TBX15: variants seen among roughly 807,000 people sequenced by gnomAD.
TBX15 encodes T-box transcription factor 15, also known as T-box transcription factor TBX15.
Under a neutral mutation model 53.9 loss-of-function variants are expected in TBX15, and 18 were observed. That is an observed-to-expected ratio of 0.33 (90% confidence interval 0.23 to 0.49). The LOEUF (loss-of-function observed/expected upper bound fraction) is 0.49, where lower values mean the gene tolerates loss of function less well. Ranked by LOEUF, TBX15 falls within the 20% of genes least tolerant of loss-of-function variation. The pLI is 0.98. For synonymous variants in TBX15, 295 were observed against 278.0 expected, an observed-to-expected ratio of 1.06 and a Z score of -0.61; for missense variants, 692 against 749.5, an observed-to-expected ratio of 0.92 and a Z score of 0.90.
At chr1:118,967,584 G>A (rs375997482) in intron 1 of TBX15, among the ~76,000 whole-genome samples, 4 of 152,166 alleles carry the variant, frequency 2.6e-5, no homozygotes, top group African/African-American at 9.7e-5. Context: ...AAAGGGACAA[G>A]TAGAAGATAA....
chr1:118,976,868 G>A (rs977327927), intron 1 of TBX15, among the ~76,000 whole-genome samples: 2 of 152,192 alleles, frequency 1.3e-5, no homozygotes, highest in African/African-American at 4.8e-5. Flanking sequence ...AAAAGAATGG[G>A]GGAGAGGGGC....
chr1:118,943,821 G>A (rs1656262941), intron 1 of TBX15, among the ~76,000 whole-genome samples: 1 of 152,106 alleles, frequency 6.6e-6, no homozygotes, highest in Non-Finnish European at 1.5e-5. Flanking sequence ...GAGGCTCCCA[G>A]GGAGCACGAG....
chr1:118,918,262 C>T (rs1320297406), intron 5 of TBX15, among the ~76,000 whole-genome samples: 4 of 152,112 alleles, frequency 2.6e-5, no homozygotes, highest in Non-Finnish European at 4.4e-5. Flanking sequence ...TAACTCCCCC[C>T]GGACCACAGG....
In TBX15 at chr1:118,884,726, T is replaced by G; in HGVS notation, c.*6A>C. 6.2e-7 allele frequency: 1 copy of G among 1,613,920 alleles called. No homozygotes were observed. The highest frequency in any genetic ancestry group is 2.2e-5 in the East Asian group (1 of 44,844). On this transcript the variant is annotated 3_prime_UTR_variant, in exon 8 of 8. Coordinates refer to ENST00000369429, the MANE Select transcript of TBX15 (RefSeq NM_001330677.2). ...GCCAAATGCTCCGTGGTGTTTGGAC[T>G]GGCCTTTAAACCATGTGCACGGACA...
At chr1:118,918,738 C>A (rs1655329431) in intron 5 of TBX15, among the ~76,000 whole-genome samples, 1 of 152,130 alleles carries the variant, frequency 6.6e-6, no homozygotes, top group African/African-American at 2.4e-5. Flanking sequence ...TTGTCACGGA[C>A]TTCTTGCCTA....
At chr1:118,914,034 C>T (rs1655109741) in intron 6 of TBX15, 81 bp downstream of exon 6, 1 of 1,452,196 alleles carries the variant, frequency 6.9e-7, no homozygotes, top group Non-Finnish European at 9.7e-7. Context: ...TTCTAAAAGG[C>T]AGGAGCCATC....
chr1:118,939,332 G>C (rs565095036), intron 1 of TBX15, among the ~76,000 whole-genome samples: 2 of 146,048 alleles, frequency 1.4e-5, no homozygotes, highest in Non-Finnish European at 3.0e-5. Context: ...ACCTGAGCCT[G>C]GGAAGGTCGA....
intron 7 of TBX15, among the ~76,000 whole-genome samples, chr1:118,895,406 C>T (rs1299180775): frequency 1.3e-5 from 2 of 152,098 alleles, no homozygotes; most frequent in Non-Finnish European, 2.9e-5. Context: ...ATAAAGCTCT[C>T]GGTTTTGGCC....
chr1:118,928,857 T>C (rs1655688572), intron 2 of TBX15, among the ~76,000 whole-genome samples: 1 of 152,200 alleles, frequency 6.6e-6, no homozygotes, highest in African/African-American at 2.4e-5. Context: ...TTTGGATAAA[T>C]CATTTAACCC....
chr1:118,893,455 A>G lies in TBX15; in HGVS notation c.1024+5573T>C, dbSNP rs372740364. On this transcript the variant is annotated intron_variant, in intron 7 of 7. Transcript: ENST00000369429. ...AAGGAAGGAAGGAAGGAAAGAAGGA[A>G]GGAAGGAAAGAAAGGAAGGAAGGAA... Among the ~76,000 whole-genome samples the G allele has an allele frequency of 7.0e-5, 10 of 143,306 alleles. No homozygotes were observed. The East Asian group carries it at 1.9e-3, about 27-fold the overall frequency. The allele number at this position is 143,306 out of a possible 152,430, so 94.0% of individuals were successfully genotyped here.
At chr1:118,975,804 C>T (rs12239690) in intron 1 of TBX15, among the ~76,000 whole-genome samples, 1,770 of 152,294 alleles carry the variant, frequency 0.012, 27 homozygotes, top group African/African-American at 0.037. Context: ...AAAGACAATG[C>T]TTGGAAAATT....
At chr1:118,894,129 C>T (rs115438419) in intron 7 of TBX15, among the ~76,000 whole-genome samples, 2 of 152,026 alleles carry the variant, frequency 1.3e-5, no homozygotes, top group Admixed American at 6.6e-5. Context: ...AAGAGAACAA[C>T]GTGGCAGGAA....
chr1:118,961,905 A>G (rs1571208236), intron 1 of TBX15, among the ~76,000 whole-genome samples: 2 of 152,344 alleles, frequency 1.3e-5, no homozygotes, highest in East Asian at 1.9e-4. Context: ...TATGGTACCT[A>G]TTGGTACCCA....
At chr1:118,940,737 T>TAA (rs200090629) in intron 1 of TBX15, among the ~76,000 whole-genome samples, 8,240 of 141,248 alleles carry the variant, frequency 0.058, 343 homozygotes, top group Middle Eastern at 0.087. Context: ...CAAAAAAAAA[T>TAA]AAATAAAGGA....
chr1:118,888,302 T>A (rs1654018822), intron 7 of TBX15, among the ~76,000 whole-genome samples: 1 of 152,214 alleles, frequency 6.6e-6, no homozygotes, highest in Non-Finnish European at 1.5e-5. Flanking sequence ...GTTTCTGTCC[T>A]TCTCAGCATA....
At chr1:118,904,301 G>C (rs1654737448) in intron 6 of TBX15, among the ~76,000 whole-genome samples, 1 of 151,956 alleles carries the variant, frequency 6.6e-6, no homozygotes, top group South Asian at 2.1e-4. Context: ...AGATTTTCTT[G>C]CTTGGTTTAG....
chr1:118,896,474 A>T (rs1409409072), intron 7 of TBX15, among the ~76,000 whole-genome samples: 1 of 152,188 alleles, frequency 6.6e-6, no homozygotes, highest in East Asian at 1.9e-4. Context: ...ATGCAGAAAG[A>T]CAGATCCACC....
intron 5 of TBX15, among the ~76,000 whole-genome samples, chr1:118,921,462 AT>A (rs1252828065): frequency 1.3e-5 from 2 of 152,224 alleles, no homozygotes; most frequent in African/African-American, 4.8e-5. Flanking sequence ...AGAAGGATAA[AT>A]TAGAATTCCA....
At chr1:118,887,066 TC>T (rs1238185583) in intron 7 of TBX15, among the ~76,000 whole-genome samples, 2 of 152,198 alleles carry the variant, frequency 1.3e-5, no homozygotes, top group Admixed American at 1.3e-4. Context: ...AGCATCTGCC[TC>T]CTGTCTCATC....
Sources: allele counts gnomAD v4.1 joint callset (sites outside exome capture counted in the v4.1 genomes callset), GRCh38; gene constraint gnomAD v4.1.1; transcripts MANE v1.5; gene names NCBI Gene and HGNC (gene_info 2026-07-23, HGNC 2026-07-21).